NRXN3: variants seen among roughly 807,000 people sequenced by gnomAD.
NRXN3 encodes neurexin III.
Under a neutral mutation model 137.6 loss-of-function variants are expected in NRXN3, and 32 were observed. The ratio of observed to expected loss-of-function variants is 0.23; its 90% CI spans 0.18 to 0.31. The LOEUF is 0.31. Ranked by LOEUF, NRXN3 falls within the 10% of genes least tolerant of loss-of-function variation. NRXN3 has a pLI of 1.00. For missense variants in NRXN3, 1,574 were observed against 2,062.5 expected (o/e 0.76, Z 4.59); for synonymous variants, 798 against 784.5 (o/e 1.02, Z -0.29).
intron 15 of NRXN3, among the ~76,000 whole-genome samples, chr14:79,323,650 G>A (rs2090405406): frequency 6.6e-6 from 1 of 152,084 alleles, no homozygotes; most frequent in Non-Finnish European, 1.5e-5. Flanking sequence ...ACAAGGCCAA[G>A]AGATCGAGAC....
chr14:78,950,235 G>A (rs558892672), intron 10 of NRXN3, among the ~76,000 whole-genome samples: 10 of 152,268 alleles, frequency 6.6e-5, no homozygotes, highest in Admixed American at 6.5e-4. Flanking sequence ...GTGGTTTCAT[G>A]GAGAGAGATT....
chr14:79,793,474 A>C (rs2099151774), intron 19 of NRXN3, among the ~76,000 whole-genome samples: 1 of 152,220 alleles, frequency 6.6e-6, no homozygotes, highest in Non-Finnish European at 1.5e-5. Context: ...GGAGGGAAGC[A>C]CGAGGGACCT....
chr14:78,183,964 CT>C (rs962484987), intron 1 of NRXN3, among the ~76,000 whole-genome samples: 1 of 152,134 alleles, frequency 6.6e-6, no homozygotes, highest in African/African-American at 2.4e-5. Context: ...ATGACAGTCA[CT>C]TTTTTCTTTT....
chr14:79,775,698 A>G (rs545262835), intron 19 of NRXN3, among the ~76,000 whole-genome samples: 12 of 152,282 alleles, frequency 7.9e-5, no homozygotes, highest in East Asian at 1.9e-4. Context: ...ACAGAAGGCT[A>G]TAAGTGAGGA....
chr14:79,194,076 A>G (rs1324246411), intron 15 of NRXN3, among the ~76,000 whole-genome samples: 1 of 152,220 alleles, frequency 6.6e-6, no homozygotes, highest in African/African-American at 2.4e-5. Context: ...CGCAATTTTC[A>G]GAGGATATGT....
intron 15 of NRXN3, among the ~76,000 whole-genome samples, chr14:79,326,607 G>A (rs1225258039): frequency 6.6e-6 from 1 of 152,050 alleles, no homozygotes; most frequent in Non-Finnish European, 1.5e-5. Context: ...GAATATTGTG[G>A]GACTCTGACC....
At chr14:79,335,011 A>G (rs1026292845) in intron 15 of NRXN3, among the ~76,000 whole-genome samples, 2 of 152,134 alleles carry the variant, frequency 1.3e-5, no homozygotes, top group Non-Finnish European at 2.9e-5. Flanking sequence ...CTGGCAGACA[A>G]TTATTGGGTG....
chr14:79,382,331 C>T (rs555193484), intron 15 of NRXN3, among the ~76,000 whole-genome samples: 3 of 152,190 alleles, frequency 2.0e-5, no homozygotes, highest in East Asian at 1.9e-4. Context: ...GAAAGCAATG[C>T]GCAGGACAAT....
At chr14:79,015,711 A>G (rs1213823443) in intron 15 of NRXN3, among the ~76,000 whole-genome samples, 1 of 152,048 alleles carries the variant, frequency 6.6e-6, no homozygotes, top group Non-Finnish European at 1.5e-5. Flanking sequence ...ACACAGAAAG[A>G]CCCTGTCTTC....
At position 79,590,294 on chromosome 14, in the gene NRXN3, T is replaced by C. The variant is rs541185754; in HGVS notation, c.3445-73484T>C. Among the ~76,000 whole-genome samples, 32 of 151,882 alleles carry C rather than the reference T, an allele frequency of 2.1e-4. No homozygotes were observed. In the East Asian group the frequency reaches 4.5e-3, roughly 21 times the overall value. ...AAAATGTGAGTTTCCCTGCACAAGC[T>C]CTCTCTCTTTGCCTGCTGCCATCCA... On this transcript the variant is annotated intron_variant, in intron 16 of 20. Transcript: ENST00000335750.
chr14:78,503,345 A>C (rs548086789), intron 4 of NRXN3, among the ~76,000 whole-genome samples: 1 of 152,306 alleles, frequency 6.6e-6, no homozygotes, highest in Admixed American at 6.5e-5. Context: ...GAGACCAGGA[A>C]GGAAAGGCCA....
chr14:78,646,490 TTGATTTAATGTCTTCTAA>T (rs2097689183), intron 5 of NRXN3, among the ~76,000 whole-genome samples: 1 of 152,222 alleles, frequency 6.6e-6, no homozygotes, highest in Non-Finnish European at 1.5e-5. Context: ...TGCCACATGA[TTGATTTAATGTCTTCTAA>T]TGTCAATGTG....
intron 10 of NRXN3, among the ~76,000 whole-genome samples, chr14:78,942,445 A>C (rs113496705): frequency 1.3e-5 from 2 of 152,228 alleles, no homozygotes; most frequent in Non-Finnish European, 2.9e-5. Flanking sequence ...TTGGAAAAAC[A>C]GAAATAAAAA....
chr14:79,053,134 A>T (rs941702472), intron 15 of NRXN3, among the ~76,000 whole-genome samples: 8 of 152,186 alleles, frequency 5.3e-5, no homozygotes, highest in Non-Finnish European at 7.3e-5. Context: ...ACAAACAAGG[A>T]TGCTATTCTC....
At chr14:78,898,688 C>T (rs1334901452) in intron 10 of NRXN3, among the ~76,000 whole-genome samples, 1 of 151,058 alleles carries the variant, frequency 6.6e-6, no homozygotes, top group African/African-American at 2.4e-5. Flanking sequence ...TTGTTTATAA[C>T]AAGTTATTTA....
At chr14:78,314,959 CTT>C (rs1194967108) in intron 4 of NRXN3, among the ~76,000 whole-genome samples, 10 of 79,302 alleles carry the variant, frequency 1.3e-4, no homozygotes, top group African/African-American at 5.8e-4. Flanking sequence ...TCCTTCCTTC[CTT>C]CCTTCCTTCC....
chr14:79,394,869 G>T (rs746827760), intron 15 of NRXN3, among the ~76,000 whole-genome samples: 1 of 152,072 alleles, frequency 6.6e-6, no homozygotes, highest in African/African-American at 2.4e-5. Context: ...TGACTTGCTC[G>T]ATCAAGGTCA....
intron 4 of NRXN3, among the ~76,000 whole-genome samples, chr14:78,562,003 C>T (rs1377974569): frequency 6.6e-6 from 1 of 152,180 alleles, no homozygotes; most frequent in Non-Finnish European, 1.5e-5. Context: ...TGCAATGTAT[C>T]CTTGACATTC....
intron 4 of NRXN3, among the ~76,000 whole-genome samples, chr14:78,349,495 C>T (rs751545858): frequency 9.2e-5 from 14 of 152,214 alleles, no homozygotes; most frequent in Admixed American, 3.9e-4. Flanking sequence ...TCTTCTTCCA[C>T]AATTTCTCCC....
Sources: gnomAD v4.1 joint callset for allele counts (sites outside exome capture counted in the v4.1 genomes callset) on GRCh38, gnomAD v4.1.1 for gene constraint, MANE v1.5 for transcripts, NCBI Gene and HGNC (gene_info 2026-07-23, HGNC 2026-07-21) for gene names.